Variants in LRAT observed in about 807,000 individuals in gnomAD.
LRAT encodes lecithin retinol acyltransferase (phosphatidylcholine--retinol O-acyltransferase).
A neutral mutation model predicts 14.2 loss-of-function variants in LRAT; 11 were observed. That is an observed-to-expected ratio of 0.78 (90% CI 0.49 to 1.29). LRAT has a LOEUF of 1.29. Ranked by LOEUF, LRAT falls within the 50% of genes most tolerant of loss-of-function variation. LRAT has a pLI of 0.00. For synonymous variants in LRAT, 144 were observed against 124.8 expected (o/e 1.15, Z -1.03); for missense variants, 274 against 292.4 (o/e 0.94, Z 0.46).
At chr4:154,741,849 G>C (rs532497390), upstream of LRAT, among the ~76,000 whole-genome samples, 41 of 152,278 alleles carry the variant, frequency 2.7e-4, no homozygotes, top group South Asian at 8.3e-3. Flanking sequence ...GAGCCCTGAA[G>C]CAATTCTCCA....
chr4:154,744,163 C>G lies in LRAT; in HGVS notation c.-61C>G. 1 of 700,708 alleles carries G rather than the reference C, an allele frequency of 1.4e-6. No individual in the cohort carries two copies. The highest frequency in any genetic ancestry group is 1.7e-5 in the South Asian group (1 of 58,992). The allele number at this position is 700,708 out of a possible 1,614,324, so 43.4% of individuals were successfully genotyped here. A position where few individuals can be genotyped will look rare whatever the true frequency, so the allele number is the denominator to read the frequency against. ...GCCGGTCGCCAGGCCTCGCTGTCCT[C>G]CTTTGCCTTCCTCTCTCCTCAGCGG... On this transcript the variant is annotated 5_prime_UTR_variant, in exon 1 of 3. Transcript: ENST00000336356.
In LRAT at chr4:154,751,590, T is replaced by A. The variant is rs767911401; in HGVS notation, c.*2454T>A. On this transcript the variant is annotated 3_prime_UTR_variant, in exon 3 of 3. Coordinates refer to ENST00000336356, the MANE Select transcript of LRAT (RefSeq NM_004744.5). Reference sequence around the variant, plus strand: ...TCTCTACTAAAAATACAAAATTAGCTGGGCGTGGTGGCCGGCGCCTGTAGT... The same window carrying A: ...TCTCTACTAAAAATACAAAATTAGCAGGGCGTGGTGGCCGGCGCCTGTAGT... 5 of 151,918 alleles carry A rather than the reference T, an allele frequency of 3.3e-5. No individual in the cohort carries two copies. The highest frequency in any genetic ancestry group is 7.3e-5 in the Non-Finnish European group (5 of 68,162). 9.4% of individuals were successfully genotyped at this position (151,918 alleles called of 1,614,324 possible). A position where few individuals can be genotyped will look rare whatever the true frequency, so the allele number is the denominator to read the frequency against.
chr4:154,745,430 G>A (rs1335882865), intron 2 of LRAT: 1 of 159,314 alleles, frequency 6.3e-6, no homozygotes, highest in Non-Finnish European at 1.4e-5. Flanking sequence ...ATCTCGAAAT[G>A]CTTAGAGAAA....
chr4:154,741,523 C>A (rs764304153), upstream of LRAT, among the ~76,000 whole-genome samples: 2 of 152,206 alleles, frequency 1.3e-5, no homozygotes, highest in Admixed American at 6.5e-5. Flanking sequence ...TATGGACACT[C>A]CGCGCCCTAT....
chr4:154,747,897 G>T (rs929089952), intron 2 of LRAT, among the ~76,000 whole-genome samples: 2 of 152,096 alleles, frequency 1.3e-5, no homozygotes, highest in East Asian at 3.9e-4. Flanking sequence ...AGTATGGATA[G>T]AGATAACCAT....
At position 154,744,221 on chromosome 4, in the gene LRAT, A is replaced by G; in HGVS notation, c.-3A>G. 12 of 1,190,598 alleles carry G rather than the reference A, an allele frequency of 1.0e-5. No homozygotes were observed. The highest frequency in any genetic ancestry group is 1.2e-5 in the Non-Finnish European group (10 of 808,996). The allele number at this position is 1,190,598 out of a possible 1,614,324, so 73.8% of individuals were successfully genotyped here. On this transcript the variant is annotated splice_region_variant and 5_prime_UTR_variant, in exon 1 of 3. Coordinates refer to ENST00000336356, the MANE Select transcript of LRAT (RefSeq NM_004744.5). ...TTGCGCCGTACCTCACCTGGCCTGC[A>G]GGTGAGCAGCAGCGCAGCACCCCTG...
Position 154,749,344 on chromosome 4 carries a change from G to A in LRAT, c.*208G>A. 1 of 576,282 alleles carries A rather than the reference G, an allele frequency of 1.7e-6. No individual in the cohort carries two copies. The highest frequency in any genetic ancestry group is 3.1e-6 in the Non-Finnish European group (1 of 325,486). The allele number at this position is 576,282 out of a possible 1,614,324, so 35.7% of individuals were successfully genotyped here. The stretch of plus-strand genomic sequence containing the variant: ...TCTTCTCAGGCAGTTCAGATTTAAA[G>A]CACCATCCAAACCTTGGAAATACGA... On this transcript the variant is annotated 3_prime_UTR_variant, in exon 3 of 3. Transcript: ENST00000336356.
chr4:154,741,681 T>G (rs1294484425), upstream of LRAT, among the ~76,000 whole-genome samples: 8 of 152,096 alleles, frequency 5.3e-5, no homozygotes, highest in Non-Finnish European at 1.0e-4. Flanking sequence ...AAAAGAAAAA[T>G]GAAACGCAAA....
At chr4:154,741,182 G>T (rs1192681958), upstream of LRAT, among the ~76,000 whole-genome samples, 1 of 138,698 alleles carries the variant, frequency 7.2e-6, no homozygotes, top group Non-Finnish European at 1.6e-5. Context: ...ATTTGCAATG[G>T]TCCTTGACGA....
At chr4:154,744,979 A>G (rs952143556) in intron 2 of LRAT, 113 bp downstream of exon 2, 2 of 694,834 alleles carry the variant, frequency 2.9e-6, no homozygotes, top group Non-Finnish European at 4.8e-6. Context: ...CTCCCCTACC[A>G]CTTCCATACC....
chr4:154,748,870 T>C, intron 2 of LRAT, 114 bp from the exon 3 acceptor site: 1 of 989,558 alleles, frequency 1.0e-6, no homozygotes, highest in South Asian at 1.4e-5. Context: ...TAAGAAAAAG[T>C]CTAGTTCTTC....
upstream of LRAT, among the ~76,000 whole-genome samples, chr4:154,741,766 T>C (rs937307470): frequency 1.3e-5 from 2 of 152,212 alleles, no homozygotes; most frequent in African/African-American, 2.4e-5. Context: ...TTCTTTCATG[T>C]ATATAAAATG....
chr4:154,749,073 C>T lies in LRAT; in HGVS notation c.630C>T (p.Gly210=). ...VLGLASIVCT[G]LVSYTTLPAI... is the part of the protein sequence containing the mutation. ...GATTGGCGTCTATAGTCTGTACGGG[C>T]TTGGTATCATACACTACCCTTCCTG... Residue 210 remains glycine (G), a synonymous_variant, in exon 3 of 3, where the codon GGC becomes GGT. Transcript: ENST00000336356. 1 of 1,613,760 alleles carries T rather than the reference C, an allele frequency of 6.2e-7. No homozygotes were observed. The highest frequency in any genetic ancestry group is 1.3e-5 in the African/African-American group (1 of 75,022).
intron 2 of LRAT, among the ~76,000 whole-genome samples, chr4:154,748,713 C>T (rs201821): frequency 0.58 from 88,101 of 151,936 alleles, 26,729 homozygotes; most frequent in African/African-American, 0.74. Context: ...CCTGAATAAC[C>T]ATGTGGTTAT....
In LRAT at chr4:154,748,926, A is replaced by G. The variant is rs765438962; in HGVS notation, c.541-58A>G. On this transcript the variant is annotated intron_variant, in intron 2 of 2. Transcript: ENST00000336356. ...GGAAAACTGATTTACTGTTTGATAT[A>G]TGTGATTCTTCTTGGGTTTAGCCAC... The G allele has an allele frequency of 1.3e-5, 19 of 1,490,284 alleles. No individual in the cohort carries two copies. In the African/African-American group the frequency reaches 2.6e-4, roughly 21 times the overall value. 92.3% of individuals were successfully genotyped at this position (1,490,284 alleles called of 1,614,324 possible). A position where few individuals can be genotyped will look rare whatever the true frequency, so the allele number is the denominator to read the frequency against.
In LRAT at chr4:154,744,841, C is replaced by G; in HGVS notation, c.515C>G (p.Thr172Ser). Residue 172 changes from threonine to serine, a missense_variant, in exon 2 of 3, where the codon ACC becomes AGC. Physicochemically the swap from Thr to Ser is moderately conservative, Grantham distance 58. Transcript: ENST00000336356. Reference sequence around the variant, plus strand: ...TTCGTGACCTACTGCAGATATGGCACCCCGATCAGTCCCCAGTCCGACAAG... The same window carrying G: ...TTCGTGACCTACTGCAGATATGGCAGCCCGATCAGTCCCCAGTCCGACAAG... ...EHFVTYCRYG[T>S]PISPQSDKFC... 6 of 1,613,680 alleles carry G rather than the reference C, an allele frequency of 3.7e-6. No individual in the cohort carries two copies. The highest frequency in any genetic ancestry group is 5.1e-6 in the Non-Finnish European group (6 of 1,180,002).
At chr4:154,748,215 G>A (rs1375659627) in intron 2 of LRAT, 4 of 985,132 alleles carry the variant, frequency 4.1e-6, no homozygotes, top group East Asian at 2.3e-4. Flanking sequence ...GAGGACTTGT[G>A]CATCAAACAT....
At chr4:154,740,862 C>G (rs1732758936), upstream of LRAT, 1 of 152,246 alleles carries the variant, frequency 6.6e-6, no homozygotes, top group Non-Finnish European at 1.5e-5. Flanking sequence ...CCTTTCTTAA[C>G]GGTCCGGGAA....
rs189199180 is a variant in LRAT at position 154,745,099 on chromosome 4, A to C, written c.540+233A>C. On this transcript the variant is annotated intron_variant, in intron 2 of 2. Transcript: ENST00000336356. ...AGTGGCGCGATCTCCACTCACTGCA[A>C]ACTCCGCCTCCAGAGTTCACGCCAT... 1.5e-3 allele frequency among the ~76,000 whole-genome samples: 212 copies of C among 140,838 alleles called. 6 individuals carry two copies. In the East Asian group the frequency reaches 0.037, roughly 24 times the overall value. The allele number at this position is 140,838 out of a possible 152,430, so 92.4% of individuals were successfully genotyped here. A position where few individuals can be genotyped will look rare whatever the true frequency, so the allele number is the denominator to read the frequency against.
Sources: allele counts gnomAD v4.1 joint callset (sites outside exome capture counted in the v4.1 genomes callset), GRCh38; gene constraint gnomAD v4.1.1; transcripts MANE v1.5; gene names NCBI Gene and HGNC (gene_info 2026-07-23, HGNC 2026-07-21).